Variants in CSMD3 observed in about 807,000 individuals in gnomAD.
CSMD3 encodes the protein CUB and sushi domain-containing protein 3.
A neutral mutation model predicts 435.2 loss-of-function variants in CSMD3; 177 were observed. The observed-to-expected ratio is 0.41, with a 90% CI of 0.36 to 0.46. The LOEUF is 0.46. Among genes scored for constraint, CSMD3 ranks in the 20% least tolerant of loss-of-function variants. CSMD3 has a pLI of 0.34. For missense variants in CSMD3, 4,265 were observed against 4,504.6 expected, an observed-to-expected ratio of 0.95 and a Z score of 1.52; for synonymous variants, 1,656 against 1,520.5, an observed-to-expected ratio of 1.09 and a Z score of -2.07.
chr8:112,369,093 C>T (rs1258822246), intron 38 of CSMD3, among the ~76,000 whole-genome samples: 1 of 152,054 alleles, frequency 6.6e-6, no homozygotes, highest in East Asian at 1.9e-4. Flanking sequence ...TACTCTGGTA[C>T]AAATGGCTAT....
At chr8:112,793,236 A>T (rs1348965340) in intron 13 of CSMD3, among the ~76,000 whole-genome samples, 1 of 148,372 alleles carries the variant, frequency 6.7e-6, no homozygotes, top group East Asian at 1.9e-4. Context: ...TGGCATTAAG[A>T]CACAGGTGCT....
At chr8:113,207,345 C>A (rs948261329) in intron 3 of CSMD3, among the ~76,000 whole-genome samples, 1 of 149,900 alleles carries the variant, frequency 6.7e-6, no homozygotes, top group Non-Finnish European at 1.5e-5. Context: ...AACTTCTGAT[C>A]TTTTTTTCTC....
chr8:112,246,957 G>A, intron 64 of CSMD3, 63 bp downstream of exon 64: 1 of 1,128,200 alleles, frequency 8.9e-7, no homozygotes, highest in Non-Finnish European at 1.3e-6. Flanking sequence ...TTGAATACTT[G>A]GGAGAAAAAA....
intron 3 of CSMD3, among the ~76,000 whole-genome samples, chr8:113,239,498 T>TTATCTATCTATCTATCTATC (rs113240412): frequency 1.3e-4 from 20 of 149,118 alleles, no homozygotes; most frequent in African/African-American, 4.2e-4. Context: ...GTATGTAGTT[T>TTATCTATCTATCTATCTATC]TATCTATCTA....
chr8:113,105,673 G>C (rs1337539869), intron 4 of CSMD3, among the ~76,000 whole-genome samples: 3 of 151,926 alleles, frequency 2.0e-5, no homozygotes, highest in Non-Finnish European at 2.9e-5. Flanking sequence ...TCTCAAAAGG[G>C]GTGCACTTCA....
In CSMD3 at chr8:112,838,560, T is replaced by C. The variant is rs528503976; in HGVS notation, c.1756-8771A>G. ...CTCTAAATTAAAATAATTATAATAGTTTTTTTTCCCTTTTTTTCCATACAC... is the reference window on the plus strand; with the variant it reads ...CTCTAAATTAAAATAATTATAATAGCTTTTTTTCCCTTTTTTTCCATACAC... On this transcript the variant is annotated intron_variant, in intron 11 of 70. Coordinates refer to ENST00000297405, the MANE Select transcript of CSMD3 (RefSeq NM_198123.2). 6.3e-4 allele frequency among the ~76,000 whole-genome samples: 95 copies of C among 151,254 alleles called. 1 individual carries two copies. The highest frequency in any genetic ancestry group is 2.3e-3 in the African/African-American group (94 of 41,410).
At chr8:112,624,954 T>C in intron 22 of CSMD3, among the ~76,000 whole-genome samples, 1 of 152,072 alleles carries the variant, frequency 6.6e-6, no homozygotes, top group East Asian at 1.9e-4. Flanking sequence ...TATTTGTTTG[T>C]TTTTGCTTTT....
In CSMD3 at chr8:113,089,949, C is replaced by T. The variant is rs535150082; in HGVS notation, c.917+8807G>A. ...ACTGTTGGTTGACTAACCATTATCC[C>T]GTTTTGTAGAATAATATAGGGAGGT... On this transcript the variant is annotated intron_variant, in intron 5 of 70. Transcript: ENST00000297405. Among the ~76,000 whole-genome samples the T allele has an allele frequency of 1.4e-4, 22 of 151,954 alleles. No homozygotes were observed. The South Asian group carries it at 4.4e-3, about 30-fold the overall frequency.
Position 112,292,628 on chromosome 8 carries a change from G to C in CSMD3, c.8697C>G (p.Phe2899Leu), listed in dbSNP as rs2130689522. The C allele has an allele frequency of 1.2e-6, 2 of 1,613,762 alleles. No homozygotes were observed. The highest frequency in any genetic ancestry group is 2.2e-5 in the South Asian group (2 of 91,080). The change falls in exon 55 of 71, where the codon TTC becomes TTG. Residue 2899 changes from phenylalanine (F) to leucine (L), a missense_variant. This residue lies in a region of CSMD3 where 3,255 missense variants were observed against 3,380.2 expected (regional missense o/e 0.96). Coordinates refer to ENST00000297405, the MANE Select transcript of CSMD3 (RefSeq NM_198123.2). ...GCATAAGATACCCAATATTGCATGA[G>C]AATGTTACCACATCATTAAAGTTGA... Reference protein sequence around the residue: ...NGFNFNDVVTFSCNIGYLMQG... With the variant: ...NGFNFNDVVTLSCNIGYLMQG...
At chr8:112,805,890 T>A (rs183304125) in intron 12 of CSMD3, among the ~76,000 whole-genome samples, 1 of 152,282 alleles carries the variant, frequency 6.6e-6, no homozygotes, top group Admixed American at 6.5e-5. Context: ...CTGTAAGTCA[T>A]CAGCATGTTG....
At chr8:112,825,054 C>T (rs1334529171) in intron 12 of CSMD3, among the ~76,000 whole-genome samples, 5 of 152,070 alleles carry the variant, frequency 3.3e-5, no homozygotes, top group Admixed American at 3.3e-4. Flanking sequence ...TTCAGCAAGA[C>T]AGTCTTCAAA....
At position 112,224,683 on chromosome 8, in the gene CSMD3, T is replaced by C; in HGVS notation, c.*88A>G. ...AGGTGACCCAGCAAGTCCTGAAAAG[T>C]GTGCTTTAATTTGTTTAGCAGTGAA... On this transcript the variant is annotated 3_prime_UTR_variant, in exon 71 of 71. Transcript: ENST00000297405. 1.5e-6 allele frequency: 2 copies of C among 1,346,808 alleles called. No homozygotes were observed. Among genetic ancestry groups the C allele is most frequent in the East Asian group, 2.3e-5 (1 of 43,564 alleles). 83.4% of individuals were successfully genotyped at this position (1,346,808 alleles called of 1,614,324 possible). A position where few individuals can be genotyped will look rare whatever the true frequency, so the allele number is the denominator to read the frequency against.
chr8:112,916,422 A>T (rs941783800), intron 10 of CSMD3, among the ~76,000 whole-genome samples: 1 of 151,844 alleles, frequency 6.6e-6, no homozygotes, highest in Admixed American at 6.6e-5. Flanking sequence ...CTTGTTTCCT[A>T]ATCAAAATGG....
At chr8:112,346,654 C>T (rs978032353) in intron 40 of CSMD3, among the ~76,000 whole-genome samples, 19 of 148,400 alleles carry the variant, frequency 1.3e-4, no homozygotes, top group Admixed American at 8.1e-4. Context: ...ATTTTCACAG[C>T]CTTCCCTCCT....
At chr8:112,921,485 C>G (rs1206182215) in intron 10 of CSMD3, 142 bp downstream of exon 10, 1 of 764,356 alleles carries the variant, frequency 1.3e-6, no homozygotes, top group African/African-American at 1.8e-5. Context: ...TGCAGATTTT[C>G]TATAAATATC....
chr8:113,149,613 C>T (rs1167941981), intron 4 of CSMD3, among the ~76,000 whole-genome samples: 1 of 151,892 alleles, frequency 6.6e-6, no homozygotes, highest in Non-Finnish European at 1.5e-5. Flanking sequence ...GCAATGTCAA[C>T]CAGACCCAAG....
At chr8:112,668,970 A>G (rs561804782) in intron 16 of CSMD3, among the ~76,000 whole-genome samples, 28 of 151,302 alleles carry the variant, frequency 1.9e-4, no homozygotes, top group Admixed American at 3.3e-4. Flanking sequence ...ACAGCTGAAG[A>G]AAAAAAAAGC....
chr8:112,755,331 AAATAATAAT>A lies in CSMD3; in HGVS notation c.1972+44822_1972+44830del, dbSNP rs71309790. Reference sequence around the variant, plus strand: ...GGGCGACGGAGGGAGACTCCGTCTCAAATAATAATAATAATAATAATAATAATAATAATA... The same window carrying A: ...GGGCGACGGAGGGAGACTCCGTCTCAAATAATAATAATAATAATAATAATA... On this transcript the variant is annotated intron_variant, in intron 13 of 70. Transcript: ENST00000297405. Among the ~76,000 whole-genome samples, 1,212 of 128,712 alleles carry A rather than the reference AAATAATAAT, an allele frequency of 9.4e-3. 15 individuals carry two copies. Among genetic ancestry groups the A allele is most frequent in the Middle Eastern group, 0.085 (22 of 258 alleles). The allele number at this position is 128,712 out of a possible 152,430, so 84.4% of individuals were successfully genotyped here. A position where few individuals can be genotyped will look rare whatever the true frequency, so the allele number is the denominator to read the frequency against.
intron 36 of CSMD3, among the ~76,000 whole-genome samples, chr8:112,387,092 C>T (rs1037529514): frequency 3.3e-5 from 5 of 152,050 alleles, no homozygotes; most frequent in African/African-American, 1.2e-4. Flanking sequence ...TTGAATGTAG[C>T]TGCACTGGAA....
Sources: allele counts gnomAD v4.1 joint callset (sites outside exome capture counted in the v4.1 genomes callset), GRCh38; gene constraint gnomAD v4.1.1; regional missense constraint gnomAD v4.1.1; transcripts MANE v1.5; gene names NCBI Gene and HGNC (gene_info 2026-07-23, HGNC 2026-07-21).